Variants in ZBTB46 observed in about 807,000 individuals in gnomAD.
ZBTB46 encodes zinc finger and BTB domain-containing protein 46.
In ZBTB46, 8 loss-of-function variants were observed where a neutral mutation model predicts 44.1. The observed-to-expected ratio is 0.18, with a 90% CI of 0.11 to 0.33. ZBTB46 has a LOEUF of 0.33. Ranked by LOEUF, ZBTB46 falls within the 10% of genes least tolerant of loss-of-function variation. The pLI is 1.00. For synonymous variants in ZBTB46, 409 were observed against 382.3 expected (o/e 1.07, Z -0.81); for missense variants, 651 against 847.7 (o/e 0.77, Z 2.88).
chr20:63,790,885 G>C (rs764497008), intron 1 of ZBTB46, 95 bp from the exon 2 acceptor site: 29 of 1,434,182 alleles, frequency 2.0e-5, no homozygotes, highest in South Asian at 3.0e-5. Context: ...GGGGCACAGA[G>C]TGCGGCCAGT....
upstream of ZBTB46, among the ~76,000 whole-genome samples, chr20:63,833,314 G>A (rs957935712): frequency 2.6e-5 from 4 of 152,206 alleles, no homozygotes; most frequent in Non-Finnish European, 4.4e-5. Flanking sequence ...GCTGAGGGCC[G>A]GGCGCGGTGT....
At chr20:63,813,838 C>T (rs566382419) in intron 1 of ZBTB46, among the ~76,000 whole-genome samples, 18 of 152,308 alleles carry the variant, frequency 1.2e-4, no homozygotes, top group African/African-American at 3.1e-4. Context: ...CCCAGCATCG[C>T]GACGCTGAGG....
intron 3 of ZBTB46, 93 bp downstream of exon 3, chr20:63,775,585 A>G: frequency 6.8e-7 from 1 of 1,464,410 alleles, no homozygotes; most frequent in South Asian, 1.4e-5. Flanking sequence ...GCAGGGACAG[A>G]CCCTCAGCCT....
intron 1 of ZBTB46, among the ~76,000 whole-genome samples, chr20:63,821,213 C>CTTTTTTTTT: frequency 6.9e-6 from 1 of 145,264 alleles, no homozygotes. Context: ...AGAGACAGGG[C>CTTTTTTTTT]TTCACGATGT....
chr20:63,795,593 G>A (rs2092597385), intron 1 of ZBTB46, among the ~76,000 whole-genome samples: 1 of 152,244 alleles, frequency 6.6e-6, no homozygotes, highest in African/African-American at 2.4e-5. Context: ...AACCAGCACA[G>A]CTGGGAGGGA....
chr20:63,744,174 C>T lies in ZBTB46; in HGVS notation c.*2756G>A, dbSNP rs2092065102. 2 of 152,148 alleles carry T rather than the reference C, an allele frequency of 1.3e-5. No individual in the cohort carries two copies. Among genetic ancestry groups the T allele is most frequent in the South Asian group, 2.1e-4 (1 of 4,820 alleles). The allele number at this position is 152,148 out of a possible 1,614,324, so 9.4% of individuals were successfully genotyped here. A position where few individuals can be genotyped will look rare whatever the true frequency, so the allele number is the denominator to read the frequency against. On this transcript the variant is annotated 3_prime_UTR_variant, in exon 5 of 5. Coordinates refer to ENST00000245663, the MANE Select transcript of ZBTB46 (RefSeq NM_001369741.1). The stretch of plus-strand genomic sequence containing the variant: ...AGAGTCGCACATGTCACAGAATGAG[C>T]TAAAATAAGATTACTTCTTTTATAA...
chr20:63,831,569 C>A (rs1032906176), upstream of ZBTB46, among the ~76,000 whole-genome samples: 1 of 148,810 alleles, frequency 6.7e-6, no homozygotes, highest in African/African-American at 2.4e-5. Context: ...TGGGAAGCCC[C>A]CTCCCCTGGG....
In ZBTB46 at chr20:63,745,418, C is replaced by T. The variant is rs888441511; in HGVS notation, c.*1512G>A. On this transcript the variant is annotated 3_prime_UTR_variant, in exon 5 of 5. Transcript: ENST00000245663. ...CCTCCACAGGACCCCCGGCCAGCCC[C>T]AGCCCTCCCCGAGCAGCAGCGGTCA... 5.3e-5 allele frequency: 8 copies of T among 152,316 alleles called. No individual in the cohort carries two copies. The highest frequency in any genetic ancestry group is 1.9e-4 in the African/African-American group (8 of 41,468). 9.4% of individuals were successfully genotyped at this position (152,316 alleles called of 1,614,324 possible).
At chr20:63,786,657 G>A (rs1006811420) in intron 2 of ZBTB46, among the ~76,000 whole-genome samples, 5 of 151,938 alleles carry the variant, frequency 3.3e-5, no homozygotes, top group Admixed American at 6.6e-5. Flanking sequence ...GACTACAGGC[G>A]CGCACCACCA....
intron 1 of ZBTB46, among the ~76,000 whole-genome samples, chr20:63,826,208 TACAA>T (rs559838792): frequency 4.6e-5 from 7 of 152,394 alleles, no homozygotes; most frequent in East Asian, 3.8e-4. Context: ...GAAAATGTCT[TACAA>T]ACAAAGTATC....
At chr20:63,760,745 C>T (rs958534359) in intron 3 of ZBTB46, among the ~76,000 whole-genome samples, 1 of 151,324 alleles carries the variant, frequency 6.6e-6, no homozygotes, top group African/African-American at 2.4e-5. Flanking sequence ...GCGTGAGCCA[C>T]CGCGCCAGGC....
chr20:63,822,883 G>A (rs571119836), intron 1 of ZBTB46, among the ~76,000 whole-genome samples: 2 of 133,692 alleles, frequency 1.5e-5, no homozygotes, highest in Admixed American at 7.5e-5. Flanking sequence ...ACAAAAAGTC[G>A]GGAGCGGTGG....
Position 63,803,539 on chromosome 20 carries a change from A to G in ZBTB46, c.-33-12749T>C. 3.1e-6 allele frequency: 3 copies of G among 983,272 alleles called. No homozygotes were observed. The highest frequency in any genetic ancestry group is 3.6e-6 in the Non-Finnish European group (3 of 829,342). 60.9% of individuals were successfully genotyped at this position (983,272 alleles called of 1,614,324 possible). ...TGTGGCCATCTGAAGATGCAAAGCCATGTCTGCCGGCCCCGGGCTGCCCAG... is the reference window on the plus strand; with the variant it reads ...TGTGGCCATCTGAAGATGCAAAGCCGTGTCTGCCGGCCCCGGGCTGCCCAG... On this transcript the variant is annotated intron_variant, in intron 1 of 4. Transcript: ENST00000245663. The surrounding 1 kb of genome is among the most constrained non-coding windows in gnomAD (Gnocchi z 4.0).
At chr20:63,780,146 T>C (rs988514263) in intron 2 of ZBTB46, among the ~76,000 whole-genome samples, 3 of 151,684 alleles carry the variant, frequency 2.0e-5, no homozygotes, top group African/African-American at 7.3e-5. Context: ...CGGTGCGTGC[T>C]TGTAATCTCA....
chr20:63,769,160 G>A lies in ZBTB46; in HGVS notation c.1222+6518C>T, dbSNP rs563362013. 1,016 of 983,660 alleles carry A rather than the reference G, an allele frequency of 1.0e-3. 1 individual carries two copies. The highest frequency in any genetic ancestry group is 1.2e-3 in the Non-Finnish European group (982 of 828,404). The allele number at this position is 983,660 out of a possible 1,614,324, so 60.9% of individuals were successfully genotyped here. Reference sequence around the variant, plus strand: ...GGAGGTGCCCGGGCTCATCTGGGCCGTGGCCACGCACACATGGGTGTCAGG... The same window carrying A: ...GGAGGTGCCCGGGCTCATCTGGGCCATGGCCACGCACACATGGGTGTCAGG... On this transcript the variant is annotated intron_variant, in intron 3 of 4. Transcript: ENST00000245663.
intron 1 of ZBTB46, among the ~76,000 whole-genome samples, chr20:63,810,624 T>C (rs1015305320): frequency 3.2e-4 from 48 of 152,256 alleles, no homozygotes; most frequent in African/African-American, 1.1e-3. Flanking sequence ...CACGCACCTA[T>C]AATCCCAGCT....
intron 1 of ZBTB46, among the ~76,000 whole-genome samples, chr20:63,822,782 G>A (rs538618261): frequency 2.0e-5 from 3 of 152,294 alleles, no homozygotes; most frequent in Admixed American, 6.5e-5. Flanking sequence ...GGGAGGCTGA[G>A]GCAGGATGAA....
intron 3 of ZBTB46, chr20:63,769,206 T>C (rs962913995): frequency 1.6e-5 from 16 of 985,272 alleles, no homozygotes; most frequent in Non-Finnish European, 6.0e-6. Context: ...CCCAAGTGTT[T>C]GGCCCAGTTG....
intron 3 of ZBTB46, among the ~76,000 whole-genome samples, chr20:63,765,279 C>A (rs949266575): frequency 1.8e-4 from 28 of 152,180 alleles, no homozygotes; most frequent in African/African-American, 6.3e-4. Context: ...CACTGCCGTC[C>A]GCTCAGGGTC....
Sources: allele counts gnomAD v4.1 joint callset (sites outside exome capture counted in the v4.1 genomes callset), GRCh38; gene constraint gnomAD v4.1.1; non-coding constraint Gnocchi (gnomAD v3.1); transcripts MANE v1.5; gene names NCBI Gene and HGNC (gene_info 2026-07-23, HGNC 2026-07-21).